Variants in CACNA1B observed in about 807,000 individuals in gnomAD.
The protein encoded by CACNA1B is calcium voltage-gated channel subunit alpha1 B.
In CACNA1B, 70 loss-of-function variants were observed where a neutral mutation model predicts 247.2. The observed-to-expected ratio is 0.28, with a 90% CI of 0.23 to 0.35. CACNA1B has a LOEUF of 0.35. CACNA1B is among the 10% of genes least tolerant of loss of function. CACNA1B has a pLI of 1.00. For synonymous variants in CACNA1B, 1,231 were observed against 1,294.4 expected, an observed-to-expected ratio of 0.95 and a Z score of 1.05; for missense variants, 2,367 against 3,197.4, an observed-to-expected ratio of 0.74 and a Z score of 6.26.
chr9:138,022,167 C>T (rs1262393759), intron 18 of CACNA1B, among the ~76,000 whole-genome samples: 1 of 152,186 alleles, frequency 6.6e-6, no homozygotes, highest in Non-Finnish European at 1.5e-5. Flanking sequence ...ACTGGCCATC[C>T]CTGGTGCTGG....
chr9:138,111,195 C>G (rs1328079805), intron 39 of CACNA1B, among the ~76,000 whole-genome samples: 1 of 152,212 alleles, frequency 6.6e-6, no homozygotes, highest in African/African-American at 2.4e-5. Flanking sequence ...TCCACACAAT[C>G]TATGTGCAGA....
At chr9:138,026,737 T>C (rs1452238502) in intron 20 of CACNA1B, among the ~76,000 whole-genome samples, 1 of 152,244 alleles carries the variant, frequency 6.6e-6, no homozygotes, top group African/African-American at 2.4e-5. Context: ...TAAACATTCA[T>C]GTTCAGGTTT....
chr9:138,066,506 G>A (rs1959921850), intron 31 of CACNA1B, among the ~76,000 whole-genome samples: 1 of 152,182 alleles, frequency 6.6e-6, no homozygotes, highest in South Asian at 2.1e-4. Context: ...GGGGGAAGGA[G>A]AGAGACAAGT....
intron 13 of CACNA1B, among the ~76,000 whole-genome samples, chr9:137,984,615 T>C (rs1255546012): frequency 1.3e-5 from 2 of 152,174 alleles, no homozygotes; most frequent in Non-Finnish European, 2.9e-5. Flanking sequence ...TTTTCCATCA[T>C]CCAGCCCCCA....
chr9:138,075,893 C>G lies in CACNA1B; in HGVS notation c.4932C>G (p.Ala1644=), dbSNP rs201505879. ...ACAACTTCCGGACGTTTTTGCAAGC[C>G]CTGATGCTGCTGTTCAGGTGTGTTG... is the stretch of plus-strand genomic sequence containing the variant. The part of the protein sequence containing the change: ...RHNNFRTFLQ[A]LMLLFRSATG... The change falls in exon 35 of 47, where the codon GCC becomes GCG. Residue 1644 remains alanine (A), a synonymous_variant. Transcript: ENST00000371372. The G allele has an allele frequency of 1.2e-6, 2 of 1,609,552 alleles. No individual in the cohort carries two copies. The highest frequency in any genetic ancestry group is 1.7e-6 in the Non-Finnish European group (2 of 1,177,182).
chr9:137,942,614 A>T (rs769356861), intron 6 of CACNA1B, among the ~76,000 whole-genome samples: 1 of 152,226 alleles, frequency 6.6e-6, no homozygotes, highest in Non-Finnish European at 1.5e-5. Context: ...ACTGTGATAT[A>T]TATATGATGG....
intron 15 of CACNA1B, among the ~76,000 whole-genome samples, chr9:137,996,097 A>T (rs1958497481): frequency 6.6e-6 from 1 of 152,216 alleles, no homozygotes; most frequent in Non-Finnish European, 1.5e-5. Context: ...AACATTGTGG[A>T]GTTTCCTTAA....
At chr9:138,032,034 T>G (rs73669837) in intron 20 of CACNA1B, among the ~76,000 whole-genome samples, 2,723 of 152,224 alleles carry the variant, frequency 0.018, 90 homozygotes, top group African/African-American at 0.062. Flanking sequence ...TTATTTTATT[T>G]CTTATTTTGT....
intron 21 of CACNA1B, among the ~76,000 whole-genome samples, chr9:138,045,522 TCTGA>T (rs2133476930): frequency 6.6e-6 from 1 of 152,268 alleles, no homozygotes; most frequent in African/African-American, 2.4e-5. Context: ...ATCGAGGATG[TCTGA>T]CTGAAACCCA....
At chr9:138,103,215 G>A (rs1231688126) in intron 38 of CACNA1B, among the ~76,000 whole-genome samples, 1 of 152,164 alleles carries the variant, frequency 6.6e-6, no homozygotes, top group Non-Finnish European at 1.5e-5. Flanking sequence ...GGTATGGATG[G>A]AGCTGTCCAG....
chr9:137,979,736 G>A (rs545636240), intron 12 of CACNA1B, among the ~76,000 whole-genome samples: 6 of 152,322 alleles, frequency 3.9e-5, no homozygotes, highest in African/African-American at 1.2e-4. Flanking sequence ...CTCATCCTCA[G>A]TTAGGTCCAG....
intron 3 of CACNA1B, among the ~76,000 whole-genome samples, chr9:137,897,651 G>A (rs952946903): frequency 2.0e-5 from 3 of 152,112 alleles, no homozygotes; most frequent in Admixed American, 1.3e-4. Context: ...ATTTTAATAT[G>A]TTGTATTTTC....
Position 137,955,548 on chromosome 9 carries a change from G to T in CACNA1B, c.1071-150G>T. 1.6e-6 allele frequency: 1 copy of T among 616,806 alleles called. No individual in the cohort carries two copies. 38.2% of individuals were successfully genotyped at this position (616,806 alleles called of 1,614,324 possible). A position where few individuals can be genotyped will look rare whatever the true frequency, so the allele number is the denominator to read the frequency against. ...CTCATCTGGAGTGCTCAGGTTAGAA[G>T]AGGCCTGGGTGGCAGGGGCCTGCCT... On this transcript the variant is annotated intron_variant, in intron 7 of 46. Transcript: ENST00000371372. The surrounding 1 kb of genome is among the most constrained non-coding windows in gnomAD (Gnocchi z 6.9).
In CACNA1B at chr9:138,020,517, G is replaced by A. The variant is rs1489922431; in HGVS notation, c.2268-2494G>A. Among the ~76,000 whole-genome samples, 3 of 152,174 alleles carry A rather than the reference G, an allele frequency of 2.0e-5. No homozygotes were observed. The highest frequency in any genetic ancestry group is 2.1e-4 in the South Asian group (1 of 4,826). ...GACACCATGCAGAGAGGCCCGGCAC[G>A]CAGATTCAGAGACCTAGGGGATACC... On this transcript the variant is annotated intron_variant, in intron 18 of 46. Coordinates refer to ENST00000371372, the MANE Select transcript of CACNA1B (RefSeq NM_000718.4). This position sits in a 1 kb window ranked among gnomAD's most constrained non-coding sequence, Gnocchi z 4.1.
chr9:138,022,897 A>C, intron 18 of CACNA1B, 114 bp from the exon 19 acceptor site: 3 of 1,296,710 alleles, frequency 2.3e-6, no homozygotes, highest in Non-Finnish European at 2.0e-6. Flanking sequence ...TCCCGCGGCC[A>C]CGCCTCCCAC....
At chr9:137,938,389 G>T (rs993901653) in intron 6 of CACNA1B, among the ~76,000 whole-genome samples, 4 of 152,090 alleles carry the variant, frequency 2.6e-5, no homozygotes, top group African/African-American at 9.7e-5. Context: ...GTAGTATGAT[G>T]ACTAGAATAG....
chr9:138,052,019 C>G lies in CACNA1B; in HGVS notation c.3711-73C>G. 1 of 846,348 alleles carries G rather than the reference C, an allele frequency of 1.2e-6. No individual in the cohort carries two copies. The highest frequency in any genetic ancestry group is 2.0e-6 in the Non-Finnish European group (1 of 504,646). 52.4% of individuals were successfully genotyped at this position (846,348 alleles called of 1,614,324 possible). On this transcript the variant is annotated intron_variant, in intron 24 of 46. Transcript: ENST00000371372. This position sits in a 1 kb window ranked among gnomAD's most constrained non-coding sequence, Gnocchi z 5.1. ...ATGCACAGGGGAGCAGGACTCAGAC[C>G]CTGGGGGGCCACGTGGGAGCTGGGC...
intron 40 of CACNA1B, among the ~76,000 whole-genome samples, chr9:138,113,828 G>C (rs1961753802): frequency 1.4e-5 from 2 of 144,014 alleles, no homozygotes; most frequent in African/African-American, 5.4e-5. Flanking sequence ...GCCGGGAGGT[G>C]CCCAACTCCA....
chr9:138,067,640 A>G (rs1332146123), intron 31 of CACNA1B, among the ~76,000 whole-genome samples: 1 of 152,268 alleles, frequency 6.6e-6, no homozygotes, highest in East Asian at 1.9e-4. Context: ...TGGAGGTCAC[A>G]GGGAGCCAAG....
Sources: gnomAD v4.1 joint callset for allele counts (sites outside exome capture counted in the v4.1 genomes callset) on GRCh38, gnomAD v4.1.1 for gene constraint, Gnocchi (gnomAD v3.1) non-coding constraint, MANE v1.5 for transcripts, NCBI Gene and HGNC (gene_info 2026-07-23, HGNC 2026-07-21) for gene names.